The following UGDH variants were observed in gnomAD, a reference collection of about 807,000 sequenced individuals.
UGDH encodes the protein UDP-Glc dehydrogenase.
A neutral mutation model predicts 50.6 loss-of-function variants in UGDH; 38 were observed. The observed-to-expected ratio is 0.75, with a 90% CI of 0.58 to 0.98. UGDH has a LOEUF of 0.98. Ranked by LOEUF, UGDH falls within the 50% of genes least tolerant of loss-of-function variation. The probability of loss-of-function intolerance (pLI) is 0.00; values close to 1 mark genes in which losing one functional copy is unlikely to be tolerated. For missense variants in UGDH, 465 were observed against 606.2 expected (o/e 0.77, Z 2.45); for synonymous variants, 168 against 199.9 (o/e 0.84, Z 1.35).
chr4:39,507,828 C>T lies in UGDH; in HGVS notation c.906+738G>A, dbSNP rs562593261. Among the ~76,000 whole-genome samples, 16 of 151,238 alleles carry T rather than the reference C, an allele frequency of 1.1e-4. No individual in the cohort carries two copies. The South Asian group carries it at 3.3e-3, about 32-fold the overall frequency. ...AAAAAAATTAGCCAATGTGGTGGTGCGTTCCTGAAGTTGAGGTTGAAGTGG... is the reference window on the plus strand; with the variant it reads ...AAAAAAATTAGCCAATGTGGTGGTGTGTTCCTGAAGTTGAGGTTGAAGTGG... On this transcript the variant is annotated intron_variant, in intron 7 of 11. Transcript: ENST00000316423.
intron 2 of UGDH, among the ~76,000 whole-genome samples, chr4:39,517,262 G>T (rs1026156518): frequency 6.6e-6 from 1 of 151,080 alleles, no homozygotes; most frequent in Non-Finnish European, 1.5e-5. Flanking sequence ...GAGTGCAGTG[G>T]CGCGATCTCG....
chr4:39,523,173 C>T lies in UGDH; in HGVS notation c.-7-1654G>A, dbSNP rs56331177. Reference sequence around the variant, plus strand: ...TGGGTTTGATTCTCGTGCCTCAGCCCGCCAAGTAGCTGGGACTACAGGTGC... The same window carrying T: ...TGGGTTTGATTCTCGTGCCTCAGCCTGCCAAGTAGCTGGGACTACAGGTGC... On this transcript the variant is annotated intron_variant, in intron 1 of 11. Coordinates refer to ENST00000316423, the MANE Select transcript of UGDH (RefSeq NM_003359.4). Among the ~76,000 whole-genome samples the T allele has an allele frequency of 3.8e-3, 584 of 151,922 alleles. 4 individuals carry two copies. The highest frequency in any genetic ancestry group is 0.013 in the African/African-American group (558 of 41,424).
chr4:39,523,800 C>T (rs924220082), intron 1 of UGDH, among the ~76,000 whole-genome samples: 12 of 148,286 alleles, frequency 8.1e-5, no homozygotes, highest in African/African-American at 2.5e-5. Context: ...GCACGAAACT[C>T]CATCTCAAAA....
intron 1 of UGDH, among the ~76,000 whole-genome samples, chr4:39,526,015 C>T (rs1746874935): frequency 6.6e-6 from 1 of 152,134 alleles, no homozygotes; most frequent in Non-Finnish European, 1.5e-5. Context: ...CAGAAGGGGT[C>T]ACTAACAAAT....
intron 2 of UGDH, among the ~76,000 whole-genome samples, chr4:39,519,829 C>T (rs543488225): frequency 2.6e-5 from 4 of 152,086 alleles, no homozygotes; most frequent in South Asian, 2.1e-4. Context: ...TGTGAGCCAC[C>T]GTGCCGCCAA....
chr4:39,513,617 A>G (rs960210971), intron 3 of UGDH, among the ~76,000 whole-genome samples: 4 of 143,982 alleles, frequency 2.8e-5, no homozygotes, highest in African/African-American at 1.0e-4. Context: ...GCTCACTGCA[A>G]CCTCTGCCTC....
rs573226240 is a variant in UGDH at position 39,514,284 on chromosome 4, T to C, written c.163-100A>G. ...CATTTGTTAAAGGGCATGGTAATAT[T>C]GTAATTTAAAGGTCTAGGTTGTGCT... On this transcript the variant is annotated intron_variant, in intron 2 of 11. Transcript: ENST00000316423. 3.0e-4 allele frequency: 296 copies of C among 995,446 alleles called. No homozygotes were observed. In the African/African-American group the frequency reaches 4.2e-3, roughly 14 times the overall value. The allele number at this position is 995,446 out of a possible 1,614,324, so 61.7% of individuals were successfully genotyped here.
At chr4:39,519,087 T>G (rs1746544055) in intron 2 of UGDH, among the ~76,000 whole-genome samples, 1 of 151,966 alleles carries the variant, frequency 6.6e-6, no homozygotes, top group Admixed American at 6.6e-5. Context: ...TGGCTAATTT[T>G]TGTATTTTTA....
chr4:39,505,837 T>C (rs6832089), intron 7 of UGDH, 89 bp from the exon 8 acceptor site: 173,529 of 1,346,520 alleles, frequency 0.13, 18,035 homozygotes, highest in African/African-American at 0.47. Context: ...GTGAGTGCTA[T>C]TGTACAAATA....
chr4:39,516,130 A>T (rs557186807), intron 2 of UGDH, among the ~76,000 whole-genome samples: 3 of 152,236 alleles, frequency 2.0e-5, no homozygotes, highest in East Asian at 1.9e-4. Flanking sequence ...AAAAAATTTT[A>T]AAAAATAGCT....
chr4:39,513,000 G>A (rs545303629), intron 3 of UGDH, among the ~76,000 whole-genome samples: 1 of 152,066 alleles, frequency 6.6e-6, no homozygotes, highest in African/African-American at 2.4e-5. Context: ...TAGAGACAGG[G>A]TTTCACCATG....
intron 6 of UGDH, among the ~76,000 whole-genome samples, chr4:39,509,304 T>C (rs998417837): frequency 6.6e-6 from 1 of 152,048 alleles, no homozygotes; most frequent in African/African-American, 2.4e-5. Flanking sequence ...CAAACTTTCA[T>C]GGTAAAGGGC....
At chr4:39,521,298 A>C in intron 2 of UGDH, 53 bp downstream of exon 2, 1 of 1,501,160 alleles carries the variant, frequency 6.7e-7, no homozygotes, top group South Asian at 1.4e-5. Flanking sequence ...AAATGATATA[A>C]TAAAGACAGT....
At chr4:39,503,759 C>G in intron 11 of UGDH, 116 bp downstream of exon 11, 1 of 832,276 alleles carries the variant, frequency 1.2e-6, no homozygotes, top group Non-Finnish European at 1.8e-6. Context: ...CAAACATATT[C>G]TGACCTGCTG....
chr4:39,526,523 T>C (rs150095792), intron 1 of UGDH: 8 of 152,748 alleles, frequency 5.2e-5, no homozygotes, highest in African/African-American at 1.9e-4. Flanking sequence ...CACTGTGTCT[T>C]TGAGGTCTGT....
rs779173046 is a variant in UGDH at position 39,505,706 on chromosome 4, G to A, written c.949C>T (p.Arg317Trp). ...GTATTAAACAGACTATCTATGATCC[G>A]GGAAGCAAACCTCCTCCTCTGGTAG... ...NDYQRRRFAS[R>W]IIDSLFNTVT... The change falls in exon 8 of 12, where the codon CGG (arginine) becomes TGG (tryptophan). Residue 317 changes from arginine (R) to tryptophan (W), a missense_variant. Coordinates refer to ENST00000316423, the MANE Select transcript of UGDH (RefSeq NM_003359.4). 8.1e-6 allele frequency: 13 copies of A among 1,608,774 alleles called. No homozygotes were observed. The highest frequency in any genetic ancestry group is 4.0e-5 in the African/African-American group (3 of 74,698).
intron 2 of UGDH, among the ~76,000 whole-genome samples, chr4:39,519,169 G>C (rs562668948): frequency 6.6e-6 from 1 of 151,502 alleles, no homozygotes; most frequent in Admixed American, 6.6e-5. Flanking sequence ...TGCTCACCTC[G>C]GCTTCCCAAA....
At chr4:39,511,214 C>G (rs887396594) in intron 3 of UGDH, among the ~76,000 whole-genome samples, 1 of 151,272 alleles carries the variant, frequency 6.6e-6, no homozygotes, top group African/African-American at 2.4e-5. Flanking sequence ...TATTCCCTTT[C>G]TTTATTGTAC....
At chr4:39,520,574 C>G (rs989135809) in intron 2 of UGDH, among the ~76,000 whole-genome samples, 11 of 151,814 alleles carry the variant, frequency 7.2e-5, no homozygotes, top group Non-Finnish European at 1.6e-4. Flanking sequence ...TTTTGAAATT[C>G]CAGTTAAAAA....
Sources: gnomAD v4.1 joint callset for allele counts (sites outside exome capture counted in the v4.1 genomes callset) on GRCh38, gnomAD v4.1.1 for gene constraint, MANE v1.5 for transcripts, NCBI Gene and HGNC (gene_info 2026-07-23, HGNC 2026-07-21) for gene names.